GPR146: variants seen among roughly 807,000 people sequenced by gnomAD.
The protein encoded by GPR146 is G protein-coupled receptor 146.
For missense variants in GPR146, 381 were observed against 213.9 expected (o/e 1.78, Z -4.87); for synonymous variants, 203 against 104.3 (o/e 1.95, Z -5.77).
At chr7:1,051,849 A>G (rs184503399) in intron 1 of GPR146, among the ~76,000 whole-genome samples, 267 of 152,324 alleles carry the variant, frequency 1.8e-3, no homozygotes, top group African/African-American at 5.8e-3. Flanking sequence ...GTAGTGGCAC[A>G]TGCCTGTAGT....
At chr7:1,054,509 G>A (rs376748892) in intron 1 of GPR146, among the ~76,000 whole-genome samples, 3 of 152,208 alleles carry the variant, frequency 2.0e-5, no homozygotes, top group East Asian at 1.9e-4. Context: ...CGAGTGGGAC[G>A]CACGTGAGCG....
In GPR146 at chr7:1,058,412, G is replaced by A; in HGVS notation, c.897G>A (p.Met299Ile). The stretch of plus-strand genomic sequence containing the variant: ...TGACACCACTTCTCTACCGCTACAT[G>A]AACCAGAGCTTCCCCAGCAAGCTCC... ...SFVTPLLYRY[M>I]NQSFPSKLQR... The change falls in exon 2 of 2, where the codon ATG (methionine) becomes ATA (isoleucine). Residue 299 changes from methionine (M) to isoleucine (I), a missense_variant. Coordinates refer to ENST00000444847, the MANE Select transcript of GPR146 (RefSeq NM_001303473.2). 1 of 780,702 alleles carries A rather than the reference G, an allele frequency of 1.3e-6. No individual in the cohort carries two copies. Among genetic ancestry groups the A allele is most frequent in the Non-Finnish European group, 2.4e-6 (1 of 418,132 alleles). 48.4% of individuals were successfully genotyped at this position (780,702 alleles called of 1,614,324 possible).
intron 1 of GPR146, among the ~76,000 whole-genome samples, chr7:1,049,747 G>C (rs1215398359): frequency 6.6e-6 from 1 of 152,224 alleles, no homozygotes; most frequent in Non-Finnish European, 1.5e-5. Context: ...GCAGCGGCTG[G>C]AATCAGTGGT....
chr7:1,050,502 C>T (rs1221035460), intron 1 of GPR146, among the ~76,000 whole-genome samples: 1 of 152,244 alleles, frequency 6.6e-6, no homozygotes, highest in East Asian at 1.9e-4. Context: ...TCTCAAGCTG[C>T]CCCAGCTTCT....
Position 1,057,960 on chromosome 7 carries a change from G to A in GPR146, c.445G>A (p.Gly149Ser), listed in dbSNP as rs776341739. The A allele has an allele frequency of 6.0e-5, 46 of 771,720 alleles. No homozygotes were observed. The highest frequency in any genetic ancestry group is 1.0e-4 in the Non-Finnish European group (43 of 417,996). The allele number at this position is 771,720 out of a possible 1,614,324, so 47.8% of individuals were successfully genotyped here. A position where few individuals can be genotyped will look rare whatever the true frequency, so the allele number is the denominator to read the frequency against. ...CGTGTACAACACGCGGCACGTGTGC[G>A]GCTTCGTGTGGGGTGGCGCGCTGCT... is the stretch of plus-strand genomic sequence containing the variant. ...ASVYNTRHVC[G>S]FVWGGALLTS... The change falls in exon 2 of 2, where the codon GGC becomes AGC. Residue 149 changes from glycine to serine, a missense_variant. By Grantham distance (56) the Gly-to-Ser change is moderately conservative (BLOSUM62 0). Transcript: ENST00000444847.
chr7:1,051,937 C>T (rs1335327147), intron 1 of GPR146, among the ~76,000 whole-genome samples: 1 of 152,220 alleles, frequency 6.6e-6, no homozygotes, highest in Non-Finnish European at 1.5e-5. Context: ...ATGATGGTAC[C>T]ACTGCCCTCC....
chr7:1,054,127 C>T (rs1583583647), intron 1 of GPR146, among the ~76,000 whole-genome samples: 1 of 152,354 alleles, frequency 6.6e-6, no homozygotes, highest in Middle Eastern at 3.4e-3. Context: ...CCAGAGCCCA[C>T]GGAGCAGCCC....
In GPR146 at chr7:1,057,628, T is replaced by A; in HGVS notation, c.113T>A (p.Val38Glu). ...TCGCTGCTGGGCCTGGTGGTGGGCG[T>A]GCCAGTGGGCCTGTGCTACAACGCC... is the stretch of plus-strand genomic sequence containing the variant. ...LLSLLGLVVG[V>E]PVGLCYNALL... Residue 38 changes from valine (V) to glutamate (E), a missense_variant, in exon 2 of 2, where the codon GTG becomes GAG. Val to Glu is a moderately radical substitution (Grantham distance 121). Transcript: ENST00000444847. 1 of 769,966 alleles carries A rather than the reference T, an allele frequency of 1.3e-6. No individual in the cohort carries two copies. 47.7% of individuals were successfully genotyped at this position (769,966 alleles called of 1,614,324 possible). A position where few individuals can be genotyped will look rare whatever the true frequency, so the allele number is the denominator to read the frequency against.
At chr7:1,055,204 G>A (rs574149045) in intron 1 of GPR146, 17 of 469,566 alleles carry the variant, frequency 3.6e-5, no homozygotes, top group East Asian at 1.4e-4. Flanking sequence ...TCTGGAACCC[G>A]GCTGTAAACA....
At chr7:1,048,302 G>C (rs79978525) in intron 1 of GPR146, among the ~76,000 whole-genome samples, 23,403 of 152,156 alleles carry the variant, frequency 0.15, 1,956 homozygotes, top group Admixed American at 0.21. Context: ...AGAACTTCCC[G>C]ACTAACAGGG....
At chr7:1,053,828 A>G (rs997578957) in intron 1 of GPR146, among the ~76,000 whole-genome samples, 1 of 152,182 alleles carries the variant, frequency 6.6e-6, no homozygotes, top group Non-Finnish European at 1.5e-5. Flanking sequence ...CTCCATCTCA[A>G]AAAAACAAAA....
In GPR146 at chr7:1,052,593, C is replaced by A. The variant is rs549129357; in HGVS notation, c.-24-4899C>A. ...CCTGGCCTGGGAGGGTGGCCAGGAA[C>A]TGGGGGAGAAGCTGGTGGTCAAGCT... On this transcript the variant is annotated intron_variant, in intron 1 of 1. Coordinates refer to ENST00000444847, the MANE Select transcript of GPR146 (RefSeq NM_001303473.2). This position sits in a 1 kb window ranked among gnomAD's most constrained non-coding sequence, Gnocchi z 4.2. Among the ~76,000 whole-genome samples the A allele has an allele frequency of 6.6e-6, 1 of 152,186 alleles. No homozygotes were observed. The highest frequency in any genetic ancestry group is 2.4e-5 in the African/African-American group (1 of 41,520).
chr7:1,058,440 C>G lies in GPR146; in HGVS notation c.925C>G (p.Arg309Gly), dbSNP rs368953737. The G allele has an allele frequency of 2.6e-6, 2 of 780,722 alleles. No homozygotes were observed. Among genetic ancestry groups the G allele is most frequent in the Non-Finnish European group, 4.8e-6 (2 of 418,128 alleles). The allele number at this position is 780,722 out of a possible 1,614,324, so 48.4% of individuals were successfully genotyped here. A position where few individuals can be genotyped will look rare whatever the true frequency, so the allele number is the denominator to read the frequency against. The change falls in exon 2 of 2, where the codon CGG becomes GGG. Residue 309 changes from arginine (R) to glycine (G), a missense_variant. Physicochemically the swap from Arg to Gly is moderately radical, Grantham distance 125. Transcript: ENST00000444847. ...CCAGAGCTTCCCCAGCAAGCTCCAA[C>G]GGCTGATGAAAAAGCTGCCCTGCGG... ...MNQSFPSKLQ[R>G]LMKKLPCGDR...
chr7:1,055,576 C>A, intron 1 of GPR146: 2 of 390,536 alleles, frequency 5.1e-6, no homozygotes, highest in South Asian at 1.8e-5. Flanking sequence ...CTCTGTGCAG[C>A]ACAGGTGGGA....
Position 1,058,726 on chromosome 7 carries a change from A to G in GPR146, c.*209A>G. On this transcript the variant is annotated 3_prime_UTR_variant, in exon 2 of 2. Transcript: ENST00000444847. ...CTGGCATCTGGCTTGAGTCTCCCCG[A>G]GGCCTGTGCGTCTCCCAAACACGCA... 1 of 588,690 alleles carries G rather than the reference A, an allele frequency of 1.7e-6. No homozygotes were observed. The highest frequency in any genetic ancestry group is 2.9e-5 in the East Asian group (1 of 35,074). 36.5% of individuals were successfully genotyped at this position (588,690 alleles called of 1,614,324 possible).
intron 1 of GPR146, chr7:1,045,215 C>T (rs1251356422): frequency 1.3e-5 from 2 of 152,262 alleles, no homozygotes; most frequent in South Asian, 2.1e-4. Flanking sequence ...ACAAACCTGG[C>T]AAGTCAGTTC....
At chr7:1,048,557 T>C (rs982320077) in intron 1 of GPR146, among the ~76,000 whole-genome samples, 2 of 152,120 alleles carry the variant, frequency 1.3e-5, no homozygotes, top group Non-Finnish European at 2.9e-5. Context: ...GGGCAGTCCA[T>C]TTCTATTGGG....
chr7:1,058,181 G>C lies in GPR146; in HGVS notation c.666G>C (p.Arg222=), dbSNP rs758923377. The C allele has an allele frequency of 1.3e-6, 1 of 741,162 alleles. No homozygotes were observed. The highest frequency in any genetic ancestry group is 1.4e-5 in the South Asian group (1 of 72,510). The allele number at this position is 741,162 out of a possible 1,614,324, so 45.9% of individuals were successfully genotyped here. ...GCAGGGAGGACACGCCCCTGGACCG[G>C]GACACGGGCCGGCTGGAGCCCTCGG... is the stretch of plus-strand genomic sequence containing the variant. ...RVRREDTPLD[R]DTGRLEPSAH... Residue 222 remains arginine (R), a synonymous_variant, in exon 2 of 2, where the codon CGG becomes CGC. Transcript: ENST00000444847.
Position 1,057,896 on chromosome 7 carries a change from C to T in GPR146, c.381C>T (p.His127=), listed in dbSNP as rs1367539102. ...CCACCGCCCTGCTGAGCCTCGACCACTACATCGAGCGTGCACTGCCGCGGA... is the reference window on the plus strand; with the variant it reads ...CCACCGCCCTGCTGAGCCTCGACCATTACATCGAGCGTGCACTGCCGCGGA... ...MYSTALLSLD[H]YIERALPRTY... Residue 127 remains histidine (H), a synonymous_variant, in exon 2 of 2, where the codon CAC becomes CAT. Transcript: ENST00000444847. 2 of 776,578 alleles carry T rather than the reference C, an allele frequency of 2.6e-6. No homozygotes were observed. Among genetic ancestry groups the T allele is most frequent in the South Asian group, 1.3e-5 (1 of 74,630 alleles). 48.1% of individuals were successfully genotyped at this position (776,578 alleles called of 1,614,324 possible).
Sources: allele counts gnomAD v4.1 joint callset (sites outside exome capture counted in the v4.1 genomes callset), GRCh38; gene constraint gnomAD v4.1.1; non-coding constraint Gnocchi (gnomAD v3.1); transcripts MANE v1.5; gene names NCBI Gene and HGNC (gene_info 2026-07-23, HGNC 2026-07-21).